CACNA1C: variants seen among roughly 807,000 people sequenced by gnomAD.
CACNA1C encodes voltage-dependent L-type calcium channel subunit alpha-1C.
In CACNA1C, 30 loss-of-function variants were observed where a neutral mutation model predicts 229.0. The ratio of observed to expected loss-of-function variants is 0.13; its 90% CI spans 0.10 to 0.18. The LOEUF (loss-of-function observed/expected upper bound fraction) is 0.18. Among genes scored for constraint, CACNA1C ranks in the 10% least tolerant of loss-of-function variants. The probability of loss-of-function intolerance (pLI) is 1.00; values close to 1 mark genes in which losing one functional copy is unlikely to be tolerated. For synonymous variants in CACNA1C, 1,114 were observed against 1,132.5 expected (o/e 0.98, Z 0.33); for missense variants, 1,658 against 2,845.0 (o/e 0.58, Z 9.49).
At chr12:2,426,129 T>C (rs1366969401) in intron 3 of CACNA1C, among the ~76,000 whole-genome samples, 1 of 152,152 alleles carries the variant, frequency 6.6e-6, no homozygotes, top group Non-Finnish European at 1.5e-5. Flanking sequence ...AGCACAGTTA[T>C]TTTCATATAC....
chr12:2,619,626 C>G (rs920225406), intron 29 of CACNA1C, among the ~76,000 whole-genome samples: 1 of 152,012 alleles, frequency 6.6e-6, no homozygotes, highest in Non-Finnish European at 1.5e-5. Flanking sequence ...GCTAATGCAA[C>G]CCATTAGTCG....
At chr12:2,246,642 C>T (rs150875959) in intron 3 of CACNA1C, among the ~76,000 whole-genome samples, 96 of 152,154 alleles carry the variant, frequency 6.3e-4, no homozygotes, top group African/African-American at 2.3e-3. Context: ...CCGTGAGTCG[C>T]GAGTGTGGGG....
At chr12:2,426,111 A>T (rs561358149) in intron 3 of CACNA1C, among the ~76,000 whole-genome samples, 1 of 152,310 alleles carries the variant, frequency 6.6e-6, no homozygotes, top group African/African-American at 2.4e-5. Context: ...ACTGGTGAGA[A>T]CTAACCCAGC....
rs148460613 is a variant in CACNA1C at position 2,414,168 on chromosome 12, A to G, written c.478-34808A>G. Among the ~76,000 whole-genome samples, 690 of 152,262 alleles carry G rather than the reference A, an allele frequency of 4.5e-3. 5 individuals carry two copies. The highest frequency in any genetic ancestry group is 0.013 in the African/African-American group (544 of 41,538). On this transcript the variant is annotated intron_variant, in intron 3 of 46. Transcript: ENST00000399655. ...TTGCCTTATCTGTAAGATGGGGATG[A>G]CACTAGTCACCCGTGTTCCAAGTGT...
At chr12:2,537,438 T>C (rs1489375379) in intron 9 of CACNA1C, among the ~76,000 whole-genome samples, 2 of 152,104 alleles carry the variant, frequency 1.3e-5, no homozygotes, top group Non-Finnish European at 2.9e-5. Context: ...TGGCATATAG[T>C]GAGTGATTGA....
chr12:2,074,841 T>C (rs1020329477), intron 1 of CACNA1C, among the ~76,000 whole-genome samples: 3 of 152,200 alleles, frequency 2.0e-5, no homozygotes, highest in African/African-American at 7.2e-5. Flanking sequence ...CTGGCACCTG[T>C]GGGGAGCCTC....
At chr12:2,041,415 T>C (rs939896696) in intron 1 of CACNA1C, among the ~76,000 whole-genome samples, 2 of 151,718 alleles carry the variant, frequency 1.3e-5, no homozygotes, top group Non-Finnish European at 2.9e-5. Flanking sequence ...TAGCTGGGAC[T>C]ACAGGCGCTT....
chr12:2,550,372 C>G (rs905687494), intron 10 of CACNA1C, among the ~76,000 whole-genome samples: 1 of 152,146 alleles, frequency 6.6e-6, no homozygotes, highest in Non-Finnish European at 1.5e-5. Context: ...TTCTTTCACT[C>G]CAGTCCCTTT....
intron 13 of CACNA1C, among the ~76,000 whole-genome samples, chr12:2,572,824 T>C: frequency 3.0e-5 from 3 of 100,586 alleles, no homozygotes; most frequent in South Asian, 4.5e-4. Flanking sequence ...CTCCTCCTCC[T>C]CCCCTCCTCC....
intron 3 of CACNA1C, among the ~76,000 whole-genome samples, chr12:2,323,515 C>T (rs927714146): frequency 3.3e-5 from 5 of 152,246 alleles, no homozygotes; most frequent in East Asian, 1.9e-4. Context: ...ACATAGGAGG[C>T]GGGATCTTCA....
chr12:2,065,590 C>A (rs1300609912), intron 1 of CACNA1C, among the ~76,000 whole-genome samples: 6 of 152,140 alleles, frequency 3.9e-5, no homozygotes, highest in Non-Finnish European at 8.8e-5. Flanking sequence ...TATGCCTAGA[C>A]ACACAGACAT....
intron 12 of CACNA1C, 140 bp from the exon 13 acceptor site, chr12:2,567,429 T>A: frequency 1.6e-6 from 1 of 610,696 alleles, no homozygotes; most frequent in Non-Finnish European, 2.9e-6. Context: ...CCCCAACTTC[T>A]GTTCTGGCCG....
intron 7 of CACNA1C, among the ~76,000 whole-genome samples, chr12:2,494,053 G>A (rs190635032): frequency 1.2e-4 from 18 of 151,692 alleles, no homozygotes; most frequent in East Asian, 1.9e-4. Flanking sequence ...TGGGATACAT[G>A]TGTAGAACGT....
At chr12:2,441,604 C>T (rs2154561131) in intron 3 of CACNA1C, among the ~76,000 whole-genome samples, 1 of 152,302 alleles carries the variant, frequency 6.6e-6, no homozygotes, top group Admixed American at 6.5e-5. Context: ...CGGTCTCCCT[C>T]GCCATAGCAT....
At chr12:2,570,719 A>G (rs2053892277) in intron 13 of CACNA1C, among the ~76,000 whole-genome samples, 4 of 152,164 alleles carry the variant, frequency 2.6e-5, no homozygotes, top group Non-Finnish European at 5.9e-5. Context: ...TTAAAGGAAA[A>G]TCTATGACAG....
intron 1 of CACNA1C, among the ~76,000 whole-genome samples, chr12:2,063,125 C>A (rs2370251): frequency 2.6e-5 from 4 of 151,318 alleles, no homozygotes; most frequent in African/African-American, 9.7e-5. Flanking sequence ...TATGGATTTT[C>A]ATGTGTTATT....
intron 3 of CACNA1C, among the ~76,000 whole-genome samples, chr12:2,318,900 A>G (rs1358596162): frequency 6.7e-6 from 1 of 148,438 alleles, no homozygotes; most frequent in African/African-American, 2.6e-5. Flanking sequence ...AAGAGAATGG[A>G]GAGAGAGAAG....
rs762874150 is a variant in CACNA1C at position 2,245,768 on chromosome 12, C to G, written c.477+125338C>G. On this transcript the variant is annotated intron_variant, in intron 3 of 46. Transcript: ENST00000399655. ...AAACTGACACAAGGGTAGTTGCAGT[C>G]TTATTTAACCTGCTTAGAGTGAATA... 8.5e-4 allele frequency among the ~76,000 whole-genome samples: 130 copies of G among 152,274 alleles called. 2 individuals carry two copies. The Middle Eastern group carries it at 0.017, about 20-fold the overall frequency.
At chr12:2,427,865 C>T (rs549280261) in intron 3 of CACNA1C, among the ~76,000 whole-genome samples, 11 of 152,148 alleles carry the variant, frequency 7.2e-5, no homozygotes, top group Non-Finnish European at 1.3e-4. Flanking sequence ...AGTGATCTGC[C>T]CATCTCGGCC....
Sources: gnomAD v4.1 joint callset for allele counts (sites outside exome capture counted in the v4.1 genomes callset) on GRCh38, gnomAD v4.1.1 for gene constraint, MANE v1.5 for transcripts, NCBI Gene and HGNC (gene_info 2026-07-23, HGNC 2026-07-21) for gene names.